ZNF385D: variants seen among roughly 807,000 people sequenced by gnomAD.
ZNF385D encodes the protein zinc finger protein 659.
A neutral mutation model predicts 35.8 loss-of-function variants in ZNF385D; 15 were observed. The ratio of observed to expected loss-of-function variants is 0.42; its 90% CI spans 0.28 to 0.64. The LOEUF (loss-of-function observed/expected upper bound fraction) is 0.64. Ranked by LOEUF, ZNF385D falls within the 30% of genes least tolerant of loss-of-function variation. ZNF385D has a pLI of 0.23. For missense variants in ZNF385D, 474 were observed against 494.6 expected, an observed-to-expected ratio of 0.96 and a Z score of 0.39; for synonymous variants, 212 against 186.8, an observed-to-expected ratio of 1.13 and a Z score of -1.10.
At chr3:21,997,943 G>A (rs1695586612) in intron 3 of ZNF385D, among the ~76,000 whole-genome samples, 1 of 151,560 alleles carries the variant, frequency 6.6e-6, no homozygotes, top group Admixed American at 6.6e-5. Flanking sequence ...GGGAGAAATT[G>A]AGATAGAAGA....
intron 3 of ZNF385D, among the ~76,000 whole-genome samples, chr3:21,985,951 G>T (rs1694778232): frequency 8.0e-6 from 1 of 124,734 alleles, no homozygotes; most frequent in African/African-American, 3.7e-5. Context: ...TAGTTTATTT[G>T]CGTAGAGGTG....
intron 2 of ZNF385D, among the ~76,000 whole-genome samples, chr3:22,327,321 A>T (rs908719610): frequency 1.6e-4 from 25 of 152,286 alleles, no homozygotes; most frequent in Middle Eastern, 3.4e-3. Context: ...CTGTAAAATA[A>T]GAAATGTAAA....
chr3:21,558,911 T>G (rs1278244628), intron 3 of ZNF385D, among the ~76,000 whole-genome samples: 1 of 152,158 alleles, frequency 6.6e-6, no homozygotes, highest in Admixed American at 6.5e-5. Flanking sequence ...CCTTTGCCAT[T>G]ATGTAATGTC....
At chr3:21,882,050 G>T (rs1167534120) in intron 3 of ZNF385D, among the ~76,000 whole-genome samples, 2 of 151,994 alleles carry the variant, frequency 1.3e-5, no homozygotes, top group South Asian at 2.1e-4. Context: ...TCCTAGTGAA[G>T]ATGCTTTGAA....
At chr3:22,125,300 C>T (rs977899511) in intron 3 of ZNF385D, among the ~76,000 whole-genome samples, 1 of 152,026 alleles carries the variant, frequency 6.6e-6, no homozygotes, top group Non-Finnish European at 1.5e-5. Flanking sequence ...CAGTGGCATG[C>T]TGTTTGGGTT....
chr3:21,864,381 A>C (rs974802253), intron 3 of ZNF385D, among the ~76,000 whole-genome samples: 2 of 152,116 alleles, frequency 1.3e-5, no homozygotes, highest in African/African-American at 4.8e-5. Flanking sequence ...TACCAACTAC[A>C]TACTCTATGA....
chr3:22,233,184 T>G (rs1471332539), intron 2 of ZNF385D, among the ~76,000 whole-genome samples: 2 of 152,094 alleles, frequency 1.3e-5, no homozygotes, highest in Non-Finnish European at 2.9e-5. Context: ...CTATGTATTA[T>G]TATAGCTTCA....
At chr3:22,137,481 A>G (rs1083723) in intron 3 of ZNF385D, among the ~76,000 whole-genome samples, 22 of 152,252 alleles carry the variant, frequency 1.4e-4, no homozygotes, top group Non-Finnish European at 2.5e-4. Context: ...CCATGATCAA[A>G]TGGGCTTCAT....
At chr3:22,001,400 T>A (rs567782682) in intron 3 of ZNF385D, among the ~76,000 whole-genome samples, 8 of 152,222 alleles carry the variant, frequency 5.3e-5, no homozygotes, top group African/African-American at 1.9e-4. Flanking sequence ...AAAGTCATTA[T>A]ATAATAATAA....
At chr3:22,041,795 G>C (rs1317381854) in intron 3 of ZNF385D, among the ~76,000 whole-genome samples, 5 of 152,048 alleles carry the variant, frequency 3.3e-5, no homozygotes, top group Non-Finnish European at 7.4e-5. Flanking sequence ...AAATGTGCTT[G>C]GAGGACATAA....
At chr3:21,615,773 T>A (rs1191958577) in intron 2 of ZNF385D, among the ~76,000 whole-genome samples, 1 of 108,862 alleles carries the variant, frequency 9.2e-6, no homozygotes, top group African/African-American at 3.5e-5. Flanking sequence ...AGAGAATGAC[T>A]GCAAAGAAAA....
At chr3:21,593,642 A>C (rs998013301) in intron 2 of ZNF385D, among the ~76,000 whole-genome samples, 3 of 152,108 alleles carry the variant, frequency 2.0e-5, no homozygotes, top group Non-Finnish European at 4.4e-5. Context: ...CAATATGTAC[A>C]CACAATGCAT....
chr3:22,120,675 T>C (rs932820116), intron 3 of ZNF385D, among the ~76,000 whole-genome samples: 2 of 152,182 alleles, frequency 1.3e-5, no homozygotes, highest in African/African-American at 4.8e-5. Context: ...CGTATTCACC[T>C]AAATTTAGTG....
chr3:21,708,626 T>C (rs914680617), intron 1 of ZNF385D, among the ~76,000 whole-genome samples: 4 of 152,212 alleles, frequency 2.6e-5, no homozygotes, highest in Non-Finnish European at 5.9e-5. Flanking sequence ...CCTTATCATT[T>C]TCTATGTTTT....
intron 3 of ZNF385D, among the ~76,000 whole-genome samples, chr3:21,525,442 C>A (rs563833933): frequency 2.6e-5 from 4 of 152,006 alleles, no homozygotes; most frequent in African/African-American, 7.2e-5. Flanking sequence ...AATCCCAGCA[C>A]TTTGGGAAGC....
intron 1 of ZNF385D, among the ~76,000 whole-genome samples, chr3:21,733,117 G>A (rs73046282): frequency 0.036 from 5,455 of 151,862 alleles, 184 homozygotes; most frequent in African/African-American, 0.085. Context: ...GTGGATGTCC[G>A]TTGGTTTCAG....
intron 3 of ZNF385D, among the ~76,000 whole-genome samples, chr3:21,960,508 A>G (rs1327959217): frequency 6.6e-6 from 1 of 152,130 alleles, no homozygotes; most frequent in Non-Finnish European, 1.5e-5. Flanking sequence ...TAGGACAGCC[A>G]TTAGGGAAAA....
intron 1 of ZNF385D, among the ~76,000 whole-genome samples, chr3:21,702,483 T>G (rs2125386465): frequency 6.6e-6 from 1 of 152,350 alleles, no homozygotes; most frequent in South Asian, 2.1e-4. Flanking sequence ...TGAAGGTCTC[T>G]GACATGGCCT....
At chr3:21,834,787 C>T (rs1230393336) in intron 3 of ZNF385D, among the ~76,000 whole-genome samples, 2 of 105,350 alleles carry the variant, frequency 1.9e-5, no homozygotes, top group African/African-American at 7.5e-5. Flanking sequence ...TGGGGCAGTT[C>T]CCCCATGCTG....
Sources: allele counts gnomAD v4.1 joint callset (sites outside exome capture counted in the v4.1 genomes callset), GRCh38; gene constraint gnomAD v4.1.1; transcripts MANE v1.5; gene names NCBI Gene and HGNC (gene_info 2026-07-23, HGNC 2026-07-21).